The following SBK2 variants were observed in gnomAD, a reference collection of about 807,000 sequenced individuals.
The protein encoded by SBK2 is serine/threonine-protein kinase SBK2.
SBK2 carries 18 observed loss-of-function variants against 15.9 expected under a neutral mutation model. The observed-to-expected ratio is 1.13, with a 90% CI of 0.78 to 1.68. The LOEUF (loss-of-function observed/expected upper bound fraction) is 1.68. SBK2 is among the 40% of genes most tolerant of loss of function. The pLI, the probability that SBK2 is intolerant of heterozygous loss-of-function variation, is 0.00. For synonymous variants in SBK2, 284 were observed against 246.8 expected (o/e 1.15, Z -1.41); for missense variants, 581 against 510.9 (o/e 1.14, Z -1.32).
Position 55,530,085 on chromosome 19 carries a change from G to T in SBK2, c.695C>A (p.Pro232Gln). The T allele has an allele frequency of 6.9e-7, 1 of 1,440,502 alleles. No homozygotes were observed. The allele number at this position is 1,440,502 out of a possible 1,614,324, so 89.2% of individuals were successfully genotyped here. A position where few individuals can be genotyped will look rare whatever the true frequency, so the allele number is the denominator to read the frequency against. Reference protein sequence around the residue: ...PYTAPELCAPPPLPEGLPIQP... With the variant: ...PYTAPELCAPQPLPEGLPIQP... ...AATGGGCAGGCCCTCGGGGAGCGGC[G>T]GGGGCGCGCAGAGCTCGGGGGCCGT... The change falls in exon 4 of 4, where the codon CCG becomes CAG. Residue 232 changes from proline (P) to glutamine (Q), a missense_variant. Physicochemically the swap from Pro to Gln is moderately conservative, Grantham distance 76. Transcript: ENST00000413299.
At chr19:55,531,548 G>A (rs1488702350) in intron 2 of SBK2, among the ~76,000 whole-genome samples, 2 of 152,232 alleles carry the variant, frequency 1.3e-5, no homozygotes, top group Non-Finnish European at 2.9e-5. Flanking sequence ...GGTACCAATA[G>A]TTATAGCACG....
At chr19:55,536,456 T>A (rs544552556) in intron 1 of SBK2, among the ~76,000 whole-genome samples, 160 bp from the exon 2 acceptor site, 1 of 144,482 alleles carries the variant, frequency 6.9e-6, no homozygotes, top group Admixed American at 7.0e-5. Context: ...GGGAGACAAG[T>A]CTGGTGTGAG....
At position 55,529,844 on chromosome 19, in the gene SBK2, G is replaced by T. The variant is rs1988199169; in HGVS notation, c.936C>A (p.Pro312=). The change falls in exon 4 of 4, where the codon CCC becomes CCA. Residue 312 remains proline, a synonymous_variant. Coordinates refer to ENST00000413299, the MANE Select transcript of SBK2 (RefSeq NM_001370096.2). ...TGGCGATCACAGCGCTCCTCCTTCG[G>T]GGGTGAGGGTCCAGCAGCCCCCGCA... The part of the protein sequence containing the change: ...ALLRGLLDPH[P]RRRSAVIAIR... 4 of 1,603,828 alleles carry T rather than the reference G, an allele frequency of 2.5e-6. No homozygotes were observed. The highest frequency in any genetic ancestry group is 3.4e-6 in the Non-Finnish European group (4 of 1,179,040).
chr19:55,530,126 C>G lies in SBK2; in HGVS notation c.654G>C (p.Gly218=). ...RPRGTLLRLA[G]PPIPYTAPEL... ...CGGGGGCCGTGTAGGGGATGGGCGG[C>G]CCGGCCAGGCGCAGCAGCGTCCCGC... Residue 218 remains glycine, a synonymous_variant, in exon 4 of 4, where the codon GGG becomes GGC. Transcript: ENST00000413299. The G allele has an allele frequency of 6.8e-7, 1 of 1,461,544 alleles. No homozygotes were observed. The highest frequency in any genetic ancestry group is 9.0e-7 in the Non-Finnish European group (1 of 1,111,108). 90.5% of individuals were successfully genotyped at this position (1,461,544 alleles called of 1,614,324 possible). A position where few individuals can be genotyped will look rare whatever the true frequency, so the allele number is the denominator to read the frequency against.
In SBK2 at chr19:55,536,403, C is replaced by T. The variant is rs538846132; in HGVS notation, c.-2-107G>A. 592 of 842,082 alleles carry T rather than the reference C, an allele frequency of 7.0e-4. 2 individuals carry two copies. In the Middle Eastern group the frequency reaches 0.015, roughly 22 times the overall value. 52.2% of individuals were successfully genotyped at this position (842,082 alleles called of 1,614,324 possible). ...GAGGGAGGAGGGGCTGGGGGCTCAT[C>T]GCGCTTCTCATTGTGACTCAGTCTC... On this transcript the variant is annotated intron_variant, in intron 1 of 3. Transcript: ENST00000413299.
chr19:55,536,719 G>T (rs982595306), intron 1 of SBK2, among the ~76,000 whole-genome samples: 17 of 151,938 alleles, frequency 1.1e-4, no homozygotes, highest in Non-Finnish European at 2.5e-4. Flanking sequence ...GAGCACTTGG[G>T]ATCAGTCCCC....
intron 2 of SBK2, among the ~76,000 whole-genome samples, chr19:55,533,546 G>A (rs1459331235): frequency 9.8e-5 from 14 of 142,532 alleles, no homozygotes; most frequent in African/African-American, 3.5e-4. Flanking sequence ...CCAGCTATTC[G>A]GGAGGCTGAG....
intron 2 of SBK2, among the ~76,000 whole-genome samples, chr19:55,534,143 C>T (rs1988339167): frequency 6.6e-6 from 1 of 152,118 alleles, no homozygotes; most frequent in Non-Finnish European, 1.5e-5. Flanking sequence ...TGTGGGAGTC[C>T]TAACCCCCCC....
At chr19:55,536,812 G>A (rs117512546) in intron 1 of SBK2, among the ~76,000 whole-genome samples, 10,685 of 143,104 alleles carry the variant, frequency 0.075, 436 homozygotes, top group Non-Finnish European at 0.084. Context: ...CCTCCGCCAG[G>A]CCCAGGGGTC....
intron 3 of SBK2, 38 bp downstream of exon 3, chr19:55,531,105 T>A (rs763636674): frequency 1.9e-6 from 3 of 1,578,904 alleles, no homozygotes; most frequent in Non-Finnish European, 2.6e-6. Context: ...GGGAGGCCGG[T>A]GAGGCACTCG....
intron 2 of SBK2, among the ~76,000 whole-genome samples, chr19:55,535,802 T>C (rs1244131241): frequency 6.6e-6 from 1 of 152,170 alleles, no homozygotes; most frequent in African/African-American, 2.4e-5. Context: ...GAGGAACACT[T>C]GAACCTGGGA....
At chr19:55,535,165 A>G (rs1223779282) in intron 2 of SBK2, among the ~76,000 whole-genome samples, 2 of 152,154 alleles carry the variant, frequency 1.3e-5, no homozygotes, top group Non-Finnish European at 2.9e-5. Context: ...GCTCTGGTTC[A>G]ATTCTGGGTC....
chr19:55,533,859 G>A (rs928658113), intron 2 of SBK2, among the ~76,000 whole-genome samples: 5 of 151,930 alleles, frequency 3.3e-5, no homozygotes, highest in African/African-American at 1.2e-4. Context: ...TCCCCACGGT[G>A]CCCTGAGCTT....
intron 2 of SBK2, among the ~76,000 whole-genome samples, chr19:55,531,558 G>A (rs1011583199): frequency 1.3e-5 from 2 of 152,236 alleles, no homozygotes; most frequent in Non-Finnish European, 2.9e-5. Flanking sequence ...GTTATAGCAC[G>A]CTGGGGACCA....
At position 55,529,842 on chromosome 19, in the gene SBK2, C is replaced by CG. The variant is rs760424136; in HGVS notation, c.937dup (p.Arg313ProfsTer186). 8.5e-5 allele frequency: 136 copies of CG among 1,603,386 alleles called. 1 individual carries two copies. In the South Asian group the frequency reaches 1.3e-3, roughly 15 times the overall value. On this transcript the variant is annotated frameshift_variant, in exon 4 of 4. Transcript: ENST00000413299. LOFTEE classifies it low-confidence loss of function (END_TRUNC). ...GATGGCGATCACAGCGCTCCTCCTTCGGGGGTGAGGGTCCAGCAGCCCCCG... is the reference window on the plus strand; with the variant it reads ...GATGGCGATCACAGCGCTCCTCCTTCGGGGGGTGAGGGTCCAGCAGCCCCCG...
chr19:55,535,791 G>A (rs999890454), intron 2 of SBK2, among the ~76,000 whole-genome samples: 1 of 152,324 alleles, frequency 6.6e-6, no homozygotes, highest in South Asian at 2.1e-4. Flanking sequence ...GGCTGAGGCA[G>A]GAGGAACACT....
Position 55,529,709 on chromosome 19 carries a change from CT to C in SBK2, c.*23del. 6.3e-7 allele frequency: 1 copy of C among 1,593,518 alleles called. No homozygotes were observed. The highest frequency in any genetic ancestry group is 1.3e-5 in the African/African-American group (1 of 74,638). ...GGGGGCCTCGGGTGGGGCGGCTTCC[CT>C]TTCTGCATCCCCCGGGGCCTCCTCA... On this transcript the variant is annotated 3_prime_UTR_variant, in exon 4 of 4. Transcript: ENST00000413299.
rs1158532565 is a variant in SBK2, at chr19:55,532,294, CCTT to C, written c.254-952_254-950del. Among the ~76,000 whole-genome samples the C allele has an allele frequency of 1.0e-3, 126 of 121,616 alleles. No individual in the cohort carries two copies. The East Asian group carries it at 0.026, about 25-fold the overall frequency. 79.8% of individuals were successfully genotyped at this position (121,616 alleles called of 152,430 possible). ...TCCCCGAAGGAACTTCTGATGTCTT[CCTT>C]TTTTTTTTTTTTTTTTTTTTTTGAG... On this transcript the variant is annotated intron_variant, in intron 2 of 3. Transcript: ENST00000413299.
chr19:55,536,148 A>C lies in SBK2; in HGVS notation c.147T>G (p.Ser49Arg). ...CCTCGGCTCGGACCAGGGTCTGAGC[A>C]CTCAGCGTCATCATGTCCTCCAGCG... ...ARALEDMMTL[S>R]AQTLVRAEVD... Residue 49 changes from serine (S) to arginine (R), a missense_variant, in exon 2 of 4, where the codon AGT (serine) becomes AGG (arginine). Physicochemically the swap from Ser to Arg is moderately radical, Grantham distance 110. Transcript: ENST00000413299. 1 of 1,599,168 alleles carries C rather than the reference A, an allele frequency of 6.3e-7. No individual in the cohort carries two copies. Among genetic ancestry groups the C allele is most frequent in the Non-Finnish European group, 8.5e-7 (1 of 1,172,920 alleles).
Sources: gnomAD v4.1 joint callset for allele counts (sites outside exome capture counted in the v4.1 genomes callset) on GRCh38, gnomAD v4.1.1 for gene constraint, MANE v1.5 for transcripts, NCBI Gene and HGNC (gene_info 2026-07-23, HGNC 2026-07-21) for gene names.